Variants in FAM227B observed in about 807,000 individuals in gnomAD.
The protein encoded by FAM227B is family with sequence similarity 227 member B, also known as protein FAM227B.
A neutral mutation model predicts 73.8 loss-of-function variants in FAM227B; 88 were observed. The ratio of observed to expected loss-of-function variants is 1.19; its 90% CI spans 1.00 to 1.42. The LOEUF (loss-of-function observed/expected upper bound fraction) is 1.42. FAM227B is among the 40% of genes most tolerant of loss of function. The pLI is 0.00. For synonymous variants in FAM227B, 210 were observed against 190.5 expected (o/e 1.10, Z -0.84); for missense variants, 632 against 590.9 (o/e 1.07, Z -0.72).
At chr15:49,506,835 T>C (rs1226810165) in intron 11 of FAM227B, among the ~76,000 whole-genome samples, 2 of 151,942 alleles carry the variant, frequency 1.3e-5, no homozygotes, top group African/African-American at 2.4e-5. Flanking sequence ...TAATTGCTTA[T>C]GTGAAAAAAG....
chr15:49,461,017 G>T (rs900817706), intron 11 of FAM227B, among the ~76,000 whole-genome samples: 2 of 152,112 alleles, frequency 1.3e-5, no homozygotes, highest in Non-Finnish European at 2.9e-5. Context: ...ATCTTGTGGG[G>T]CCAGCCTTCC....
intron 11 of FAM227B, chr15:49,484,434 T>C (rs1197440594): frequency 6.3e-7 from 1 of 1,590,412 alleles, no homozygotes; most frequent in African/African-American, 1.3e-5. Context: ...CAAAAGGGGA[T>C]TCCTGTAAGA....
At chr15:49,486,407 G>A (rs1181732688) in intron 11 of FAM227B, 1 of 151,948 alleles carries the variant, frequency 6.6e-6, no homozygotes, top group Non-Finnish European at 1.5e-5. Context: ...TTCAGTAACT[G>A]TAGTCTTGTG....
intron 10 of FAM227B, among the ~76,000 whole-genome samples, chr15:49,513,350 G>A (rs1043352168): frequency 6.6e-6 from 1 of 152,188 alleles, no homozygotes; most frequent in African/African-American, 2.4e-5. Context: ...TTTCTCTAAT[G>A]ATCAGTGATG....
chr15:49,453,784 C>T (rs888459895), intron 11 of FAM227B, among the ~76,000 whole-genome samples: 1 of 152,076 alleles, frequency 6.6e-6, no homozygotes, highest in African/African-American at 2.4e-5. Context: ...CTGATGACCT[C>T]CAGGAAATTC....
At chr15:49,576,535 G>A (rs1219430592) in intron 7 of FAM227B, 1 of 448,906 alleles carries the variant, frequency 2.2e-6, no homozygotes, top group Non-Finnish European at 4.0e-6. Context: ...AGCAACCTCA[G>A]GGTCCCAAAG....
intron 11 of FAM227B, among the ~76,000 whole-genome samples, chr15:49,464,696 G>A (rs947826450): frequency 6.6e-6 from 1 of 152,122 alleles, no homozygotes; most frequent in Non-Finnish European, 1.5e-5. Flanking sequence ...AATGTGCAGT[G>A]GTCCCAAATG....
At chr15:49,366,473 G>T in intron 13 of FAM227B, 1 of 1,066,016 alleles carries the variant, frequency 9.4e-7, no homozygotes, top group Non-Finnish European at 1.5e-6. Context: ...GTTGCATAGT[G>T]GTGCGGAAGT....
chr15:49,572,391 T>A (rs1171687170), intron 8 of FAM227B, among the ~76,000 whole-genome samples: 1 of 152,110 alleles, frequency 6.6e-6, no homozygotes, highest in Non-Finnish European at 1.5e-5. Flanking sequence ...AGCTATAAAT[T>A]TCCCTCTTTG....
chr15:49,470,832 T>G (rs1233117808), intron 11 of FAM227B, among the ~76,000 whole-genome samples: 4 of 152,216 alleles, frequency 2.6e-5, no homozygotes, highest in Admixed American at 2.6e-4. Context: ...GAAGTAGAAA[T>G]GCAGTGACAA....
intron 13 of FAM227B, among the ~76,000 whole-genome samples, chr15:49,351,515 C>T (rs1237311002): frequency 6.6e-6 from 1 of 152,162 alleles, no homozygotes; most frequent in Non-Finnish European, 1.5e-5. Context: ...TGGAGATCTA[C>T]AAGAAAAGTA....
intron 11 of FAM227B, chr15:49,486,021 A>G (rs1048809618): frequency 3.9e-5 from 6 of 152,018 alleles, no homozygotes; most frequent in Admixed American, 2.6e-4. Flanking sequence ...TATTACAAGG[A>G]TGAATTTCCA....
intron 11 of FAM227B, among the ~76,000 whole-genome samples, chr15:49,420,246 G>A (rs544000191): frequency 1.3e-5 from 2 of 152,042 alleles, no homozygotes; most frequent in South Asian, 4.2e-4. Flanking sequence ...CATTTCTTTG[G>A]TAATAGAAAA....
At chr15:49,463,271 C>T (rs186729878) in intron 11 of FAM227B, among the ~76,000 whole-genome samples, 4 of 152,178 alleles carry the variant, frequency 2.6e-5, no homozygotes, top group Non-Finnish European at 4.4e-5. Context: ...AATTCAAATT[C>T]GGCCAGGCAC....
chr15:49,447,362 TAAG>T lies in FAM227B; in HGVS notation c.1012+60846_1012+60848del, dbSNP rs368248224. On this transcript the variant is annotated intron_variant, in intron 11 of 15. Transcript: ENST00000299338. The stretch of plus-strand genomic sequence containing the variant: ...AATACATTTTGAGCTTCTGTGAGGT[TAAG>T]AAGAAGTAAGCAAAGATCACAGAGC... 2.3e-4 allele frequency among the ~76,000 whole-genome samples: 35 copies of T among 151,744 alleles called. No individual in the cohort carries two copies. In the East Asian group the frequency reaches 4.1e-3, roughly 18 times the overall value.
chr15:49,530,406 G>C (rs955624606), intron 10 of FAM227B, among the ~76,000 whole-genome samples: 2 of 151,798 alleles, frequency 1.3e-5, no homozygotes, highest in African/African-American at 2.4e-5. Context: ...AGAATAGGTA[G>C]TTCTAACTAA....
intron 11 of FAM227B, among the ~76,000 whole-genome samples, chr15:49,468,154 T>C (rs186411922): frequency 6.6e-6 from 1 of 152,300 alleles, no homozygotes; most frequent in Admixed American, 6.5e-5. Context: ...ATAATTATTT[T>C]TGGTTAACCA....
At chr15:49,574,365 G>A (rs149774023) in intron 8 of FAM227B, among the ~76,000 whole-genome samples, 35 of 152,250 alleles carry the variant, frequency 2.3e-4, no homozygotes, top group Admixed American at 7.2e-4. Context: ...GTCGAGGGAG[G>A]GACTGGGAGG....
At chr15:49,342,107 C>A (rs1414761550) in intron 13 of FAM227B, among the ~76,000 whole-genome samples, 2 of 152,116 alleles carry the variant, frequency 1.3e-5, no homozygotes, top group African/African-American at 4.8e-5. Flanking sequence ...CCTCGATGAT[C>A]TGCATTATGT....
Sources: gnomAD v4.1 joint callset for allele counts (sites outside exome capture counted in the v4.1 genomes callset) on GRCh38, gnomAD v4.1.1 for gene constraint, MANE v1.5 for transcripts, NCBI Gene and HGNC (gene_info 2026-07-23, HGNC 2026-07-21) for gene names.